The following ZNF236 variants were observed in gnomAD, a reference collection of about 807,000 sequenced individuals.
The protein encoded by ZNF236 is regulated by glucose.
A neutral mutation model predicts 191.2 loss-of-function variants in ZNF236; 50 were observed. The observed-to-expected ratio is 0.26, with a 90% CI of 0.21 to 0.33. ZNF236 has a LOEUF of 0.33. Among genes scored for constraint, ZNF236 ranks in the 10% least tolerant of loss-of-function variants. The pLI is 1.00. For missense variants in ZNF236, 1,754 were observed against 2,374.5 expected (o/e 0.74, Z 5.43); for synonymous variants, 907 against 928.8 (o/e 0.98, Z 0.43).
intron 11 of ZNF236, among the ~76,000 whole-genome samples, chr18:76,901,490 G>A (rs1977591174): frequency 1.3e-5 from 2 of 152,226 alleles, no homozygotes; most frequent in Non-Finnish European, 2.9e-5. Flanking sequence ...TGGGCGCGGT[G>A]GCTCACGCCT....
intron 27 of ZNF236, among the ~76,000 whole-genome samples, chr18:76,952,330 T>C (rs965716866): frequency 2.6e-5 from 4 of 152,250 alleles, no homozygotes; most frequent in African/African-American, 7.2e-5. Context: ...TGTAGCACTG[T>C]TTGCCAACAT....
At position 76,916,973 on chromosome 18, in the gene ZNF236, C is replaced by G. The variant is rs188945111; in HGVS notation, c.3274+1114C>G. 8.0e-3 allele frequency among the ~76,000 whole-genome samples: 1,211 copies of G among 152,250 alleles called. 7 individuals carry two copies. The highest frequency in any genetic ancestry group is 0.012 in the Non-Finnish European group (787 of 68,020). On this transcript the variant is annotated intron_variant, in intron 19 of 30. Coordinates refer to ENST00000320610, the MANE Select transcript of ZNF236 (RefSeq NM_001306089.2). Reference sequence around the variant, plus strand: ...GACCACAGTGAGACCATCTGGGGTCCCCGGTGGGTTATGGCAGTCTACCTT... The same window carrying G: ...GACCACAGTGAGACCATCTGGGGTCGCCGGTGGGTTATGGCAGTCTACCTT...
At chr18:76,955,300 C>T (rs1285913529) in intron 27 of ZNF236, among the ~76,000 whole-genome samples, 1 of 152,018 alleles carries the variant, frequency 6.6e-6, no homozygotes, top group Admixed American at 6.6e-5. Context: ...CCTGTGGACG[C>T]AGGCGTGCGG....
intron 3 of ZNF236, among the ~76,000 whole-genome samples, chr18:76,854,505 G>GA (rs1373647949): frequency 1.3e-5 from 2 of 150,508 alleles, no homozygotes; most frequent in South Asian, 2.1e-4. Flanking sequence ...GCTCATGCTT[G>GA]TAATCCGAGC....
At chr18:76,853,070 A>G (rs573390572) in intron 3 of ZNF236, among the ~76,000 whole-genome samples, 1 of 149,822 alleles carries the variant, frequency 6.7e-6, no homozygotes, top group South Asian at 2.1e-4. Flanking sequence ...CTGACTTCAC[A>G]CTTTCTGTTT....
At chr18:76,866,264 G>T (rs1283238080) in intron 3 of ZNF236, among the ~76,000 whole-genome samples, 3 of 152,220 alleles carry the variant, frequency 2.0e-5, no homozygotes, top group Non-Finnish European at 4.4e-5. Flanking sequence ...AATAGTGATG[G>T]ATCAGGTTCT....
intron 21 of ZNF236, among the ~76,000 whole-genome samples, chr18:76,924,575 G>T (rs917288265): frequency 1.3e-5 from 2 of 152,210 alleles, no homozygotes; most frequent in Admixed American, 1.3e-4. Context: ...GCTCCCAGAG[G>T]CTCTTGGAGG....
intron 3 of ZNF236, among the ~76,000 whole-genome samples, chr18:76,857,344 A>C (rs1976072888): frequency 6.6e-6 from 1 of 151,838 alleles, no homozygotes; most frequent in Non-Finnish European, 1.5e-5. Flanking sequence ...CACATTTCTC[A>C]AGCCAGCCCC....
At chr18:76,871,453 C>T (rs1233275092) in intron 4 of ZNF236, among the ~76,000 whole-genome samples, 1 of 151,912 alleles carries the variant, frequency 6.6e-6, no homozygotes, top group Non-Finnish European at 1.5e-5. Context: ...TTTTGCTCCC[C>T]CTGTCCCAAT....
At chr18:76,934,176 A>G (rs1967933503) in intron 25 of ZNF236, among the ~76,000 whole-genome samples, 1 of 152,244 alleles carries the variant, frequency 6.6e-6, no homozygotes, top group South Asian at 2.1e-4. Flanking sequence ...CATTGAAAGA[A>G]GTGTATCACC....
intron 1 of ZNF236, among the ~76,000 whole-genome samples, chr18:76,840,195 TA>T (rs1166457148): frequency 6.6e-6 from 1 of 152,182 alleles, no homozygotes; most frequent in Non-Finnish European, 1.5e-5. Flanking sequence ...GATGTTTCTT[TA>T]AAAAATGAGG....
intron 14 of ZNF236, among the ~76,000 whole-genome samples, chr18:76,909,313 T>A (rs1472397275): frequency 2.9e-5 from 2 of 69,736 alleles, no homozygotes; most frequent in Non-Finnish European, 5.8e-5. Context: ...AGTGAGACTC[T>A]GTCTCAAAAA....
At chr18:76,890,396 G>A (rs182164305) in intron 9 of ZNF236, among the ~76,000 whole-genome samples, 160 of 152,168 alleles carry the variant, frequency 1.1e-3, no homozygotes, top group African/African-American at 3.4e-3. Context: ...CCACTGTACC[G>A]ACCTTATTGA....
Position 76,899,204 on chromosome 18 carries a change from A to T in ZNF236, c.1876A>T (p.Ile626Phe). The stretch of plus-strand genomic sequence containing the variant: ...CCCTGATATTCCTTTGCAGGAACCA[A>T]TCCTCATAACTGACTTAGGTAAGAT... ...PVPDIPLQEP[I>F]LITDLGLIQP... Residue 626 changes from isoleucine (I) to phenylalanine (F), a missense_variant, in exon 11 of 31, where the codon ATC becomes TTC. Physicochemically the swap from Ile to Phe is conservative, Grantham distance 21. This residue lies in a region of ZNF236 where 641 missense variants were observed against 869.6 expected (regional missense o/e 0.74). Coordinates refer to ENST00000320610, the MANE Select transcript of ZNF236 (RefSeq NM_001306089.2). 1 of 1,613,810 alleles carries T rather than the reference A, an allele frequency of 6.2e-7. No individual in the cohort carries two copies. Among genetic ancestry groups the T allele is most frequent in the Non-Finnish European group, 8.5e-7 (1 of 1,179,738 alleles).
intron 22 of ZNF236, among the ~76,000 whole-genome samples, chr18:76,926,550 T>C (rs1003213865): frequency 2.0e-5 from 3 of 152,010 alleles, no homozygotes; most frequent in Non-Finnish European, 4.4e-5. Context: ...ACTGTGTGTG[T>C]ATATATGGTA....
intron 13 of ZNF236, among the ~76,000 whole-genome samples, chr18:76,907,376 C>T (rs533514061): frequency 3.3e-4 from 50 of 152,292 alleles, no homozygotes; most frequent in Non-Finnish European, 5.7e-4. Flanking sequence ...TTGTTTGAGA[C>T]GGAGTCTCGC....
intron 12 of ZNF236, 40 bp from the exon 13 acceptor site, chr18:76,905,115 A>G (rs375050370): frequency 5.1e-5 from 80 of 1,561,022 alleles, no homozygotes; most frequent in Non-Finnish European, 6.6e-5. Context: ...TTATAAAAGT[A>G]TAAGAAACAT....
intron 5 of ZNF236, among the ~76,000 whole-genome samples, chr18:76,872,355 C>T (rs1165928288): frequency 6.6e-6 from 1 of 152,160 alleles, no homozygotes. Flanking sequence ...GTAGCACCCA[C>T]CTGTAGCCCT....
chr18:76,967,812 C>A (rs1968821780), intron 30 of ZNF236, among the ~76,000 whole-genome samples: 2 of 151,986 alleles, frequency 1.3e-5, no homozygotes, highest in South Asian at 4.2e-4. Flanking sequence ...TGTAGGGAAC[C>A]CGAGGGCAGA....
Sources: gnomAD v4.1 joint callset for allele counts (sites outside exome capture counted in the v4.1 genomes callset) on GRCh38, gnomAD v4.1.1 for gene constraint, gnomAD v4.1.1 regional missense constraint, MANE v1.5 for transcripts, NCBI Gene and HGNC (gene_info 2026-07-23, HGNC 2026-07-21) for gene names.